OXSR1: variants seen among roughly 807,000 people sequenced by gnomAD.
The protein encoded by OXSR1 is oxidative stress responsive kinase 1.
In OXSR1, 24 loss-of-function variants were observed where a neutral mutation model predicts 79.8. The ratio of observed to expected loss-of-function variants is 0.30; its 90% confidence interval spans 0.22 to 0.42. The LOEUF (loss-of-function observed/expected upper bound fraction) is 0.42, where lower values mean the gene tolerates loss of function less well. Among genes scored for constraint, OXSR1 ranks in the 10% least tolerant of loss-of-function variants. The pLI is 1.00. For missense variants in OXSR1, 430 were observed against 618.4 expected (o/e 0.70, Z 3.23); for synonymous variants, 226 against 209.2 (o/e 1.08, Z -0.69).
At chr3:38,183,738 GT>G (rs1701829684) in intron 2 of OXSR1, among the ~76,000 whole-genome samples, 1 of 152,174 alleles carries the variant, frequency 6.6e-6, no homozygotes, top group Admixed American at 6.5e-5. Context: ...AGAAAGGGAA[GT>G]CCCAAGCAAT....
intron 13 of OXSR1, among the ~76,000 whole-genome samples, chr3:38,246,923 A>G (rs886469738): frequency 7.2e-5 from 11 of 152,032 alleles, no homozygotes; most frequent in Non-Finnish European, 1.5e-4. Flanking sequence ...TTTCTTGTCT[A>G]ACGTTTTAGA....
At chr3:38,213,393 C>T (rs997539343) in intron 4 of OXSR1, among the ~76,000 whole-genome samples, 14 of 152,080 alleles carry the variant, frequency 9.2e-5, no homozygotes, top group African/African-American at 2.9e-4. Flanking sequence ...CTCCTCAAAA[C>T]TGTCAAGATT....
intron 4 of OXSR1, among the ~76,000 whole-genome samples, chr3:38,215,161 C>T (rs1229594493): frequency 2.0e-5 from 3 of 152,134 alleles, no homozygotes; most frequent in African/African-American, 7.2e-5. Context: ...TCATGAAATG[C>T]ACTGGTCTCT....
chr3:38,164,121 G>C (rs1701375229), upstream of OXSR1, among the ~76,000 whole-genome samples: 1 of 152,112 alleles, frequency 6.6e-6, no homozygotes, highest in African/African-American at 2.4e-5. Flanking sequence ...GGGCCTGCAG[G>C]CCCTAAAAGG....
chr3:38,179,386 C>T (rs770105991), intron 1 of OXSR1, among the ~76,000 whole-genome samples: 4 of 151,836 alleles, frequency 2.6e-5, no homozygotes, highest in Admixed American at 1.3e-4. Context: ...ATGCGGGTCT[C>T]GAATTCCTGG....
At chr3:38,187,018 C>A (rs1701898012) in intron 2 of OXSR1, among the ~76,000 whole-genome samples, 1 of 152,080 alleles carries the variant, frequency 6.6e-6, no homozygotes, top group South Asian at 2.1e-4. Context: ...TAGATTAGTT[C>A]TGTAATATTT....
intron 4 of OXSR1, among the ~76,000 whole-genome samples, chr3:38,211,721 A>G (rs1702392451): frequency 6.6e-6 from 1 of 152,086 alleles, no homozygotes; most frequent in South Asian, 2.1e-4. Flanking sequence ...CCCCCTAGCC[A>G]TTTGGCCAGT....
intron 4 of OXSR1, among the ~76,000 whole-genome samples, chr3:38,202,199 C>A (rs1702177433): frequency 6.6e-6 from 1 of 151,954 alleles, no homozygotes; most frequent in African/African-American, 2.4e-5. Context: ...AGCAGATGAC[C>A]CAGGTAGAGT....
intron 12 of OXSR1, among the ~76,000 whole-genome samples, chr3:38,243,003 G>GTTATTTATTTAT (rs34493594): frequency 4.0e-4 from 58 of 146,264 alleles, no homozygotes; most frequent in Admixed American, 1.9e-3. Context: ...GAAGTGAAAA[G>GTTATTTATTTAT]TTATTTATTT....
Position 38,198,749 on chromosome 3 carries a change from T to C in OXSR1, c.320T>C (p.Ile107Thr), listed in dbSNP as rs1265157000. Residue 107 changes from isoleucine to threonine, a missense_variant, in exon 4 of 18, where the codon ATT (isoleucine) becomes ACT (threonine). Coordinates refer to ENST00000311806, the MANE Select transcript of OXSR1 (RefSeq NM_005109.3). ...GGSVLDIIKH[I>T]VAKGEHKSGV... is the part of the protein sequence containing the mutation. Reference sequence around the variant, plus strand: ...TCTGTTCTGGATATTATTAAGCACATTGTGGCAAAAGGGGAACACAAAAGT... The same window carrying C: ...TCTGTTCTGGATATTATTAAGCACACTGTGGCAAAAGGGGAACACAAAAGT... 10 of 1,613,382 alleles carry C rather than the reference T, an allele frequency of 6.2e-6. No individual in the cohort carries two copies. The highest frequency in any genetic ancestry group is 8.5e-6 in the Non-Finnish European group (10 of 1,179,510).
intron 2 of OXSR1, among the ~76,000 whole-genome samples, chr3:38,189,265 T>C (rs149652519): frequency 6.6e-6 from 1 of 152,282 alleles, no homozygotes; most frequent in East Asian, 1.9e-4. Flanking sequence ...CTCAGCAGAA[T>C]CATCTTGCAA....
chr3:38,230,261 A>G (rs1262255004), intron 9 of OXSR1, 104 bp from the exon 10 acceptor site: 6 of 741,090 alleles, frequency 8.1e-6, no homozygotes, highest in South Asian at 1.5e-5. Context: ...ACTTCATTAC[A>G]GAACAGTTAC....
intron 1 of OXSR1, among the ~76,000 whole-genome samples, chr3:38,172,831 T>G (rs1701607314): frequency 1.3e-5 from 2 of 152,358 alleles, no homozygotes; most frequent in South Asian, 4.1e-4. Flanking sequence ...TAATAGTGGC[T>G]TAATAAAATC....
chr3:38,186,093 G>A (rs1701881299), intron 2 of OXSR1, among the ~76,000 whole-genome samples: 1 of 151,746 alleles, frequency 6.6e-6, no homozygotes, highest in African/African-American at 2.4e-5. Flanking sequence ...GGCATAGATA[G>A]CAAGTCTGCT....
chr3:38,178,621 T>TATA (rs1491123706), intron 1 of OXSR1, among the ~76,000 whole-genome samples: 1,423 of 65,414 alleles, frequency 0.022, 3 homozygotes, highest in African/African-American at 0.035. Flanking sequence ...TATATATATA[T>TATA]TTTTTTTTTT....
At chr3:38,221,770 G>C (rs1702596085) in intron 6 of OXSR1, 83 bp downstream of exon 6, 3 of 746,438 alleles carry the variant, frequency 4.0e-6, no homozygotes, top group Non-Finnish European at 6.9e-6. Context: ...GCTTTTCTTT[G>C]GCATACCAGG....
chr3:38,248,054 G>A (rs1575377078), intron 14 of OXSR1, among the ~76,000 whole-genome samples: 1 of 152,164 alleles, frequency 6.6e-6, no homozygotes, highest in Non-Finnish European at 1.5e-5. Context: ...TAGGGGAGCA[G>A]CACTAACTGG....
chr3:38,219,067 G>A (rs999488587), intron 5 of OXSR1, among the ~76,000 whole-genome samples: 6 of 151,996 alleles, frequency 3.9e-5, no homozygotes, highest in Non-Finnish European at 8.8e-5. Flanking sequence ...TGGCATTTTT[G>A]CTCTTTGGTT....
intron 4 of OXSR1, among the ~76,000 whole-genome samples, chr3:38,215,169 T>TC (rs947515224): frequency 5.3e-5 from 8 of 152,234 alleles, no homozygotes; most frequent in African/African-American, 1.9e-4. Context: ...TGCACTGGTC[T>TC]CTTATTTGAT....
Sources: allele counts gnomAD v4.1 joint callset (sites outside exome capture counted in the v4.1 genomes callset), GRCh38; gene constraint gnomAD v4.1.1; transcripts MANE v1.5; gene names NCBI Gene and HGNC (gene_info 2026-07-23, HGNC 2026-07-21).